NCOA2: variants seen among roughly 807,000 people sequenced by gnomAD.
The protein encoded by NCOA2 is nuclear receptor coactivator 2.
Under a neutral mutation model 145.1 loss-of-function variants are expected in NCOA2, and 21 were observed. That is an observed-to-expected ratio of 0.14 (90% CI 0.10 to 0.21). NCOA2 has a LOEUF of 0.21. NCOA2 is among the 10% of genes least tolerant of loss of function. The pLI, the probability that NCOA2 is intolerant of heterozygous loss-of-function variation, is 1.00. For synonymous variants in NCOA2, 619 were observed against 637.5 expected (o/e 0.97, Z 0.44); for missense variants, 1,472 against 1,837.6 (o/e 0.80, Z 3.64).
chr8:70,122,412 G>A (rs923521962), intron 21 of NCOA2, among the ~76,000 whole-genome samples: 1 of 151,712 alleles, frequency 6.6e-6, no homozygotes, highest in Non-Finnish European at 1.5e-5. Flanking sequence ...ACCATGCCTA[G>A]CTAATTTAAA....
intron 6 of NCOA2, among the ~76,000 whole-genome samples, chr8:70,169,232 T>C (rs1813962243): frequency 6.6e-6 from 1 of 152,192 alleles, no homozygotes; most frequent in African/African-American, 2.4e-5. Flanking sequence ...AATCACCCAC[T>C]GCACAGTGTG....
At chr8:70,368,079 A>G (rs1810879766) in intron 1 of NCOA2, among the ~76,000 whole-genome samples, 2 of 152,256 alleles carry the variant, frequency 1.3e-5, no homozygotes, top group African/African-American at 4.8e-5. Context: ...AAGAGTTTAG[A>G]AATCTTAGAA....
intron 2 of NCOA2, among the ~76,000 whole-genome samples, chr8:70,252,097 A>T (rs1230792446): frequency 1.3e-5 from 2 of 152,198 alleles, no homozygotes; most frequent in African/African-American, 2.4e-5. Context: ...TACTATTTTT[A>T]TTGGTTTTTA....
In NCOA2 at chr8:70,128,839, A is replaced by T; in HGVS notation, c.3466T>A (p.Phe1156Ile). 6.2e-7 allele frequency: 1 copy of T among 1,613,976 alleles called. No individual in the cohort carries two copies. The highest frequency in any genetic ancestry group is 8.5e-7 in the Non-Finnish European group (1 of 1,179,898). The change falls in exon 17 of 23, where the codon TTT (phenylalanine) becomes ATT (isoleucine). Residue 1156 changes from phenylalanine (F) to isoleucine (I), a missense_variant. By Grantham distance (21) the Phe-to-Ile change is conservative. Transcript: ENST00000452400. ...CTAGGCCGCTGTCCCATGGTGTGAAAGTTTGGATCTTGCATGGGAGAATAG... is the reference window on the plus strand; with the variant it reads ...CTAGGCCGCTGTCCCATGGTGTGAATGTTTGGATCTTGCATGGGAGAATAG... ...GSYSPMQDPN[F>I]HTMGQRPSYA...
At chr8:70,124,135 G>A in intron 20 of NCOA2, 53 bp from the exon 21 acceptor site, 1 of 1,545,840 alleles carries the variant, frequency 6.5e-7, no homozygotes. Context: ...GGTATCCAGA[G>A]GCAGGCAGCT....
intron 2 of NCOA2, among the ~76,000 whole-genome samples, chr8:70,248,407 C>T (rs1822801312): frequency 6.6e-6 from 1 of 152,130 alleles, no homozygotes; most frequent in Non-Finnish European, 1.5e-5. Context: ...CCAACAACCA[C>T]GATACTCTGA....
At chr8:70,400,210 G>T (rs942197566) in intron 1 of NCOA2, among the ~76,000 whole-genome samples, 1 of 151,986 alleles carries the variant, frequency 6.6e-6, no homozygotes, top group Admixed American at 6.6e-5. Context: ...TCCGTAATTG[G>T]TGAGCTCCTT....
intron 10 of NCOA2, among the ~76,000 whole-genome samples, chr8:70,157,731 C>T (rs1323360081): frequency 6.6e-6 from 1 of 152,172 alleles, no homozygotes. Context: ...CAACTTGCCC[C>T]TAACTGTTAA....
chr8:70,199,784 AG>A (rs1200581508), intron 4 of NCOA2, among the ~76,000 whole-genome samples: 2 of 152,198 alleles, frequency 1.3e-5, no homozygotes, highest in African/African-American at 4.8e-5. Flanking sequence ...CTCCTCTGTT[AG>A]CTGTAGGCTA....
At chr8:70,410,395 G>A in the NCOA2 span, among the ~76,000 whole-genome samples, 14 of 152,098 alleles carry the variant, frequency 9.2e-5, no homozygotes, top group Non-Finnish European at 7.4e-5. Context: ...GAGAACAGAT[G>A]TTCACCAAAA....
intron 2 of NCOA2, among the ~76,000 whole-genome samples, chr8:70,276,705 T>C (rs1825493226): frequency 6.6e-6 from 1 of 152,182 alleles, no homozygotes; most frequent in Non-Finnish European, 1.5e-5. Flanking sequence ...GAGGCCTTCC[T>C]AACCATGTGA....
intron 4 of NCOA2, among the ~76,000 whole-genome samples, chr8:70,186,628 A>G (rs146503655): frequency 1.3e-5 from 2 of 152,370 alleles, no homozygotes; most frequent in Non-Finnish European, 2.9e-5. Context: ...GATCAAAAAT[A>G]TGCTACTACA....
chr8:70,217,899 C>A (rs548069730), intron 2 of NCOA2, among the ~76,000 whole-genome samples: 1 of 152,132 alleles, frequency 6.6e-6, no homozygotes, highest in Non-Finnish European at 1.5e-5. Context: ...TTCCTTCTGG[C>A]CCCCAGACTT....
chr8:70,198,626 A>G (rs1028971948), intron 4 of NCOA2, among the ~76,000 whole-genome samples: 15 of 152,158 alleles, frequency 9.9e-5, no homozygotes, highest in Admixed American at 9.2e-4. Context: ...GAAAATAAAC[A>G]TGGGAAAAAA....
At chr8:70,190,431 A>C (rs997611916) in intron 4 of NCOA2, among the ~76,000 whole-genome samples, 1 of 152,200 alleles carries the variant, frequency 6.6e-6, no homozygotes, top group African/African-American at 2.4e-5. Context: ...CTTTGCTCTC[A>C]CGTATCCGAA....
intron 15 of NCOA2, among the ~76,000 whole-genome samples, chr8:70,135,769 C>G (rs1809655762): frequency 6.6e-6 from 1 of 152,092 alleles, no homozygotes; most frequent in Non-Finnish European, 1.5e-5. Context: ...AAAACACACA[C>G]AGGCCCCAGG....
intron 2 of NCOA2, among the ~76,000 whole-genome samples, chr8:70,295,190 C>T (rs545947697): frequency 1.5e-4 from 23 of 152,246 alleles, no homozygotes; most frequent in Admixed American, 2.6e-4. Context: ...CCTACCGCTA[C>T]CTTTGATAAT....
intron 2 of NCOA2, among the ~76,000 whole-genome samples, chr8:70,235,231 CT>C (rs1563661098): frequency 6.6e-6 from 1 of 152,086 alleles, no homozygotes; most frequent in Non-Finnish European, 1.5e-5. Context: ...ATATGAGGTA[CT>C]TAGACTGGTC....
chr8:70,391,813 C>T (rs1451904542), intron 1 of NCOA2, among the ~76,000 whole-genome samples: 6 of 152,156 alleles, frequency 3.9e-5, no homozygotes, highest in Middle Eastern at 3.2e-3. Context: ...AAAGCTGTAA[C>T]AGCCATTTTG....
Sources: allele counts gnomAD v4.1 joint callset (sites outside exome capture counted in the v4.1 genomes callset), GRCh38; gene constraint gnomAD v4.1.1; transcripts MANE v1.5; gene names NCBI Gene and HGNC (gene_info 2026-07-23, HGNC 2026-07-21).